AKAP6: variants seen among roughly 807,000 people sequenced by gnomAD.
AKAP6 encodes the protein A-kinase anchoring protein 6.
A neutral mutation model predicts 188.5 loss-of-function variants in AKAP6; 58 were observed. The observed-to-expected ratio is 0.31, with a 90% CI of 0.25 to 0.38. AKAP6 has a LOEUF of 0.38. Ranked by LOEUF, AKAP6 falls within the 10% of genes least tolerant of loss-of-function variation. The pLI is 1.00. For synonymous variants in AKAP6, 989 were observed against 998.6 expected, an observed-to-expected ratio of 0.99 and a Z score of 0.18; for missense variants, 2,710 against 2,740.0, an observed-to-expected ratio of 0.99 and a Z score of 0.24.
chr14:32,388,581 A>T (rs1188066835), intron 1 of AKAP6, among the ~76,000 whole-genome samples: 11 of 151,902 alleles, frequency 7.2e-5, no homozygotes. Flanking sequence ...AGAATTTTTA[A>T]ATTTTCATGT....
intron 2 of AKAP6, among the ~76,000 whole-genome samples, chr14:32,452,939 A>G (rs765550690): frequency 5.3e-5 from 8 of 152,220 alleles, no homozygotes; most frequent in Non-Finnish European, 1.0e-4. Flanking sequence ...ACTGTCACGT[A>G]TAGTATTCAT....
intron 2 of AKAP6, among the ~76,000 whole-genome samples, chr14:32,499,191 A>G (rs1264625272): frequency 1.3e-5 from 2 of 152,148 alleles, no homozygotes; most frequent in Non-Finnish European, 2.9e-5. Context: ...GCTGTTAGCA[A>G]TGTTCAATTT....
At chr14:32,369,488 T>G (rs949603556) in intron 1 of AKAP6, among the ~76,000 whole-genome samples, 1 of 152,230 alleles carries the variant, frequency 6.6e-6, no homozygotes, top group Non-Finnish European at 1.5e-5. Context: ...GCAAACTTGT[T>G]AAAAACAAAG....
intron 2 of AKAP6, among the ~76,000 whole-genome samples, chr14:32,534,978 C>T (rs145001232): frequency 2.3e-5 from 2 of 86,564 alleles, no homozygotes; most frequent in South Asian, 7.3e-4. Context: ...AAAAAAAAAA[C>T]AAAAACAAAC....
chr14:32,533,390 T>C (rs898342651), intron 2 of AKAP6, among the ~76,000 whole-genome samples: 1 of 152,078 alleles, frequency 6.6e-6, no homozygotes, highest in Non-Finnish European at 1.5e-5. Flanking sequence ...GAGGCCAGCC[T>C]TTCCCCCATC....
At chr14:32,393,080 G>A (rs1038749798) in intron 1 of AKAP6, among the ~76,000 whole-genome samples, 1 of 151,984 alleles carries the variant, frequency 6.6e-6, no homozygotes, top group Admixed American at 6.6e-5. Context: ...GAAAGTATTT[G>A]CATAATCTCA....
chr14:32,489,128 C>T (rs1879860246), intron 2 of AKAP6, among the ~76,000 whole-genome samples: 1 of 152,134 alleles, frequency 6.6e-6, no homozygotes, highest in African/African-American at 2.4e-5. Flanking sequence ...AGTGTTGAGT[C>T]TCTATATTTA....
chr14:32,678,360 A>G lies in AKAP6; in HGVS notation c.2780A>G (p.Gln927Arg), dbSNP rs1365476959. 30 of 1,613,752 alleles carry G rather than the reference A, an allele frequency of 1.9e-5. No individual in the cohort carries two copies. Among genetic ancestry groups the G allele is most frequent in the Non-Finnish European group, 2.4e-5 (28 of 1,179,784 alleles). ...GAAGCACAAAGAGATGCTGTTGAGC[A>G]GATGTCCCTCAAGCTGTACAGCGAG... ...YLEAQRDAVE[Q>R]MSLKLYSEQY... The change falls in exon 8 of 14, where the codon CAG (glutamine) becomes CGG (arginine). Residue 927 changes from glutamine (Q) to arginine (R), a missense_variant. Gln to Arg is a conservative substitution (Grantham distance 43). Around this residue, in one of 2 missense-constraint regions of AKAP6, gnomAD observed 2,473 missense variants for 2,426.1 expected, o/e 1.02. Coordinates refer to ENST00000280979, the MANE Select transcript of AKAP6 (RefSeq NM_004274.5).
intron 7 of AKAP6, among the ~76,000 whole-genome samples, chr14:32,649,596 T>G (rs1888125405): frequency 6.6e-6 from 1 of 152,196 alleles, no homozygotes; most frequent in Admixed American, 6.5e-5. Context: ...AACTGACATC[T>G]TTTTCCTTAC....
chr14:32,401,858 C>G (rs1889102422), intron 1 of AKAP6: 1 of 152,136 alleles, frequency 6.6e-6, no homozygotes, highest in Non-Finnish European at 1.5e-5. Context: ...GATGCAAATG[C>G]CTAAATCCTG....
chr14:32,351,029 A>T (rs1887247700), intron 1 of AKAP6, among the ~76,000 whole-genome samples: 1 of 152,096 alleles, frequency 6.6e-6, no homozygotes, highest in South Asian at 2.1e-4. Context: ...TTTGTCTACT[A>T]AACCCGGAAT....
At chr14:32,677,519 T>C (rs1300736382) in intron 7 of AKAP6, among the ~76,000 whole-genome samples, 1 of 152,224 alleles carries the variant, frequency 6.6e-6, no homozygotes, top group Non-Finnish European at 1.5e-5. Context: ...CCCTTTACTA[T>C]GGCCAAGCAT....
intron 1 of AKAP6, among the ~76,000 whole-genome samples, chr14:32,380,496 G>T (rs1888318832): frequency 6.6e-6 from 1 of 152,190 alleles, no homozygotes; most frequent in African/African-American, 2.4e-5. Context: ...AATGAATGAA[G>T]ATTTTGAAAG....
intron 5 of AKAP6, among the ~76,000 whole-genome samples, chr14:32,582,414 G>A (rs1324213391): frequency 6.6e-6 from 1 of 151,080 alleles, no homozygotes; most frequent in Non-Finnish European, 1.5e-5. Context: ...CTTTCTCTCT[G>A]GCTGCCCTTA....
chr14:32,350,317 A>G (rs976639619), intron 1 of AKAP6, among the ~76,000 whole-genome samples: 7 of 152,240 alleles, frequency 4.6e-5, no homozygotes, highest in African/African-American at 1.7e-4. Context: ...CTTCACCTCC[A>G]TGGTATTCTT....
intron 7 of AKAP6, among the ~76,000 whole-genome samples, chr14:32,671,366 G>T (rs1043983143): frequency 6.6e-6 from 1 of 152,042 alleles, no homozygotes; most frequent in Non-Finnish European, 1.5e-5. Context: ...AGAAAGAGGA[G>T]GTTTGTTGTA....
chr14:32,671,890 G>T (rs962174524), intron 7 of AKAP6, among the ~76,000 whole-genome samples: 2 of 152,142 alleles, frequency 1.3e-5, no homozygotes, highest in African/African-American at 4.8e-5. Flanking sequence ...AGTCAAATTA[G>T]CAAAAAGCAA....
chr14:32,479,716 A>G (rs373550861), intron 2 of AKAP6, among the ~76,000 whole-genome samples: 1 of 152,144 alleles, frequency 6.6e-6, no homozygotes, highest in East Asian at 1.9e-4. Context: ...AGGTAGTCAC[A>G]TCATGAGGGT....
At chr14:32,770,663 C>A (rs2032870304) in intron 11 of AKAP6, among the ~76,000 whole-genome samples, 1 of 152,238 alleles carries the variant, frequency 6.6e-6, no homozygotes, top group South Asian at 2.1e-4. Context: ...ACCACCACCA[C>A]CCATCTTGGT....
Sources: allele counts gnomAD v4.1 joint callset (sites outside exome capture counted in the v4.1 genomes callset), GRCh38; gene constraint gnomAD v4.1.1; regional missense constraint gnomAD v4.1.1; transcripts MANE v1.5; gene names NCBI Gene and HGNC (gene_info 2026-07-23, HGNC 2026-07-21).